Variants in LRRTM4 observed in about 807,000 individuals in gnomAD.
LRRTM4 encodes the protein leucine-rich repeat transmembrane neuronal protein 4.
A neutral mutation model predicts 47.6 loss-of-function variants in LRRTM4; 25 were observed. The observed-to-expected ratio is 0.53, with a 90% CI of 0.38 to 0.73. LRRTM4 has a LOEUF of 0.73. Ranked by LOEUF, LRRTM4 falls within the 30% of genes least tolerant of loss-of-function variation. The pLI is 0.00. For synonymous variants in LRRTM4, 311 were observed against 269.5 expected (o/e 1.15, Z -1.51); for missense variants, 638 against 713.4 (o/e 0.89, Z 1.20).
chr2:77,304,722 T>C (rs771598935), intron 3 of LRRTM4, among the ~76,000 whole-genome samples: 2 of 152,144 alleles, frequency 1.3e-5, no homozygotes, highest in Non-Finnish European at 2.9e-5. Context: ...TCAGTCATTA[T>C]GCTCAGTGTT....
At chr2:76,982,285 G>A (rs1247148498) in intron 3 of LRRTM4, among the ~76,000 whole-genome samples, 2 of 151,942 alleles carry the variant, frequency 1.3e-5, no homozygotes, top group Non-Finnish European at 2.9e-5. Context: ...TAAATTTCTA[G>A]AAAGTTTCCG....
chr2:76,769,378 G>A (rs981006442), intron 3 of LRRTM4, among the ~76,000 whole-genome samples: 6 of 152,030 alleles, frequency 3.9e-5, no homozygotes, highest in Admixed American at 3.9e-4. Context: ...AGATATTTAA[G>A]GCCTGCTTTT....
At chr2:77,455,999 A>G (rs532560055) in intron 3 of LRRTM4, among the ~76,000 whole-genome samples, 7 of 152,210 alleles carry the variant, frequency 4.6e-5, no homozygotes, top group Non-Finnish European at 8.8e-5. Context: ...AGATTGATGT[A>G]GACTCTCTGT....
At chr2:77,262,583 G>A (rs1422153662) in intron 3 of LRRTM4, among the ~76,000 whole-genome samples, 1 of 151,284 alleles carries the variant, frequency 6.6e-6, no homozygotes, top group Non-Finnish European at 1.5e-5. Context: ...TAGACTGTGA[G>A]TCTCTCAGAC....
chr2:76,838,561 T>C (rs1436925957), intron 3 of LRRTM4, among the ~76,000 whole-genome samples: 1 of 152,064 alleles, frequency 6.6e-6, no homozygotes, highest in Admixed American at 6.6e-5. Context: ...CATTTTCTGT[T>C]CCCCCATCCC....
intron 3 of LRRTM4, among the ~76,000 whole-genome samples, chr2:76,994,790 G>C (rs1677140967): frequency 6.6e-6 from 1 of 151,898 alleles, no homozygotes; most frequent in South Asian, 2.1e-4. Flanking sequence ...ACATAAAAGT[G>C]TATTATCTGC....
chr2:77,275,185 A>G (rs1342074842), intron 3 of LRRTM4, among the ~76,000 whole-genome samples: 1 of 152,120 alleles, frequency 6.6e-6, no homozygotes, highest in African/African-American at 2.4e-5. Flanking sequence ...CTTCCATAGC[A>G]TTTCTCTGTC....
intron 3 of LRRTM4, among the ~76,000 whole-genome samples, chr2:77,076,859 C>G (rs1474758805): frequency 6.6e-6 from 1 of 152,142 alleles, no homozygotes; most frequent in South Asian, 2.1e-4. Context: ...ATTACTAGAG[C>G]TATGCCAGAT....
intron 1 of LRRTM4, 35 bp from the exon 2 acceptor site, chr2:77,521,853 A>AT (rs1558784024): frequency 7.9e-6 from 3 of 381,116 alleles, no homozygotes; most frequent in Non-Finnish European, 1.4e-5. Context: ...AAAAAAAAAA[A>AT]AATACATATA....
intron 3 of LRRTM4, among the ~76,000 whole-genome samples, chr2:77,331,478 T>C (rs1670969745): frequency 6.6e-6 from 1 of 152,206 alleles, no homozygotes; most frequent in South Asian, 2.1e-4. Context: ...ATGTACTAAA[T>C]GATTAAGTAG....
In LRRTM4 at chr2:77,522,142, C is replaced by T; in HGVS notation, c.-181G>A. 3 of 715,842 alleles carry T rather than the reference C, an allele frequency of 4.2e-6. No individual in the cohort carries two copies. The highest frequency in any genetic ancestry group is 2.6e-6 in the Non-Finnish European group (1 of 384,054). 44.3% of individuals were successfully genotyped at this position (715,842 alleles called of 1,614,324 possible). A position where few individuals can be genotyped will look rare whatever the true frequency, so the allele number is the denominator to read the frequency against. On this transcript the variant is annotated 5_prime_UTR_variant, in exon 1 of 4. Coordinates refer to ENST00000409884, the MANE Select transcript of LRRTM4 (RefSeq NM_001134745.3). ...CCTTATTGTGCTGGCTTTTGCCATT[C>T]CCAGATAAAGCAATTCATCCTCTGG... is the stretch of plus-strand genomic sequence containing the variant.
At chr2:77,133,002 T>C (rs1671842928) in intron 3 of LRRTM4, among the ~76,000 whole-genome samples, 1 of 152,180 alleles carries the variant, frequency 6.6e-6, no homozygotes, top group Non-Finnish European at 1.5e-5. Context: ...ATATTATAGA[T>C]ATTAATATCT....
In LRRTM4 at chr2:77,172,334, C is replaced by T. The variant is rs372431311; in HGVS notation, c.1551+345984G>A. 2.6e-4 allele frequency among the ~76,000 whole-genome samples: 39 copies of T among 152,230 alleles called. No homozygotes were observed. In the East Asian group the frequency reaches 6.8e-3, roughly 26 times the overall value. Reference sequence around the variant, plus strand: ...TAAACTGGCCAGGCGTGGTGGCTCACGCCTGTAATCCCAGCACTTTGGGAG... The same window carrying T: ...TAAACTGGCCAGGCGTGGTGGCTCATGCCTGTAATCCCAGCACTTTGGGAG... On this transcript the variant is annotated intron_variant, in intron 3 of 3. Coordinates refer to ENST00000409884, the MANE Select transcript of LRRTM4 (RefSeq NM_001134745.3).
chr2:76,796,798 G>A lies in LRRTM4; in HGVS notation c.1552-47882C>T, dbSNP rs1011091139. 9.9e-5 allele frequency among the ~76,000 whole-genome samples: 15 copies of A among 151,798 alleles called. 1 individual carries two copies. The highest frequency in any genetic ancestry group is 3.1e-4 in the African/African-American group (13 of 41,384). On this transcript the variant is annotated intron_variant, in intron 3 of 3. Coordinates refer to ENST00000409884, the MANE Select transcript of LRRTM4 (RefSeq NM_001134745.3). ...CGCAGTTCCTCACCATCAACAGAAC[G>A]AATGACTTTGACAAGCTGAGTGAAG...
At chr2:76,988,370 T>C (rs912181309) in intron 3 of LRRTM4, among the ~76,000 whole-genome samples, 13 of 151,794 alleles carry the variant, frequency 8.6e-5, no homozygotes, top group African/African-American at 2.7e-4. Flanking sequence ...AAAACCTAAA[T>C]CGGGGCATTG....
Position 76,764,564 on chromosome 2 carries a change from G to A in LRRTM4, c.1552-15648C>T, listed in dbSNP as rs1327739575. 2.0e-5 allele frequency among the ~76,000 whole-genome samples: 3 copies of A among 152,198 alleles called. No individual in the cohort carries two copies. The East Asian group carries it at 5.8e-4, about 29-fold the overall frequency. On this transcript the variant is annotated intron_variant, in intron 3 of 3. Coordinates refer to ENST00000409884, the MANE Select transcript of LRRTM4 (RefSeq NM_001134745.3). ...GAGACTGGCATGAACCCGGGAGGCG[G>A]AGCTTGCAGTGAGCCGTGATAGAAC... is the stretch of plus-strand genomic sequence containing the variant.
chr2:77,343,130 A>G (rs1671436024), intron 3 of LRRTM4, among the ~76,000 whole-genome samples: 1 of 151,890 alleles, frequency 6.6e-6, no homozygotes, highest in African/African-American at 2.4e-5. Context: ...AAGTAGAAAC[A>G]TTTCAACCTC....
intron 3 of LRRTM4, among the ~76,000 whole-genome samples, chr2:77,235,901 T>A (rs1675091228): frequency 6.6e-6 from 1 of 152,074 alleles, no homozygotes; most frequent in Admixed American, 6.6e-5. Flanking sequence ...CAGTTCTACA[T>A]TGTTTTTGCT....
At chr2:77,024,079 G>T (rs1388763748) in intron 3 of LRRTM4, among the ~76,000 whole-genome samples, 1 of 152,054 alleles carries the variant, frequency 6.6e-6, no homozygotes, top group African/African-American at 2.4e-5. Flanking sequence ...AAGCAAAAAG[G>T]GAGACCCCTG....
Sources: gnomAD v4.1 joint callset for allele counts (sites outside exome capture counted in the v4.1 genomes callset) on GRCh38, gnomAD v4.1.1 for gene constraint, MANE v1.5 for transcripts, NCBI Gene and HGNC (gene_info 2026-07-23, HGNC 2026-07-21) for gene names.